Variants in ROBO1 observed in about 807,000 individuals in gnomAD.
ROBO1 encodes roundabout guidance receptor 1, also known as roundabout homolog 1.
In ROBO1, 149 loss-of-function variants were observed where a neutral mutation model predicts 195.9. The observed-to-expected ratio is 0.76, with a 90% CI of 0.67 to 0.87. ROBO1 has a LOEUF of 0.87. ROBO1 is among the 40% of genes least tolerant of loss of function. The pLI, the probability that ROBO1 is intolerant of heterozygous loss-of-function variation, is 0.00. For missense variants in ROBO1, 1,933 were observed against 2,068.3 expected (o/e 0.93, Z 1.27); for synonymous variants, 816 against 733.2 (o/e 1.11, Z -1.82).
At chr3:78,857,743 T>C (rs2034541868) in intron 4 of ROBO1, among the ~76,000 whole-genome samples, 2 of 152,138 alleles carry the variant, frequency 1.3e-5, no homozygotes, top group Admixed American at 6.5e-5. Context: ...TTAAGGAAAT[T>C]TGCCTAAGGA....
intron 4 of ROBO1, among the ~76,000 whole-genome samples, chr3:78,896,004 T>C (rs1375879903): frequency 1.3e-5 from 2 of 152,218 alleles, no homozygotes; most frequent in Non-Finnish European, 2.9e-5. Context: ...TTCATCACCA[T>C]TGACATATCA....
intron 2 of ROBO1, among the ~76,000 whole-genome samples, chr3:79,429,873 T>C (rs1023170482): frequency 6.6e-6 from 1 of 152,088 alleles, no homozygotes; most frequent in South Asian, 2.1e-4. Flanking sequence ...TGGTTCTTAT[T>C]TTATTTTTTC....
At chr3:78,608,859 A>G (rs1398070696) in intron 28 of ROBO1, among the ~76,000 whole-genome samples, 4 of 152,146 alleles carry the variant, frequency 2.6e-5, no homozygotes, top group African/African-American at 9.7e-5. Flanking sequence ...GGTGAATGAA[A>G]AGAACATCAC....
chr3:79,416,265 A>T (rs1431637235), intron 2 of ROBO1, among the ~76,000 whole-genome samples: 1 of 151,946 alleles, frequency 6.6e-6, no homozygotes, highest in Non-Finnish European at 1.5e-5. Flanking sequence ...AGAGATGATA[A>T]ATGGCTTCGA....
chr3:79,552,693 G>A (rs1942567096), intron 2 of ROBO1, among the ~76,000 whole-genome samples: 1 of 152,010 alleles, frequency 6.6e-6, no homozygotes, highest in African/African-American at 2.4e-5. Flanking sequence ...TATTAGCCTG[G>A]CATTGGCAGA....
chr3:79,506,537 C>T (rs1237606002), intron 2 of ROBO1, among the ~76,000 whole-genome samples: 3 of 151,994 alleles, frequency 2.0e-5, no homozygotes, highest in Non-Finnish European at 4.4e-5. Flanking sequence ...CTCCACCTCC[C>T]GGGTTCAAGT....
intron 1 of ROBO1, among the ~76,000 whole-genome samples, chr3:79,679,193 G>T (rs1946871369): frequency 6.6e-6 from 1 of 151,902 alleles, no homozygotes; most frequent in East Asian, 1.9e-4. Context: ...AATATTGAAT[G>T]CTTTTTATTT....
intron 2 of ROBO1, among the ~76,000 whole-genome samples, chr3:79,147,660 A>T (rs1173871419): frequency 6.6e-6 from 1 of 151,962 alleles, no homozygotes. Flanking sequence ...GATCACATTT[A>T]AGCTAATCTA....
chr3:78,671,129 A>T (rs1197913361), intron 10 of ROBO1, among the ~76,000 whole-genome samples: 1 of 152,194 alleles, frequency 6.6e-6, no homozygotes, highest in Non-Finnish European at 1.5e-5. Context: ...ATGTGTAAAT[A>T]CAATTAACCC....
At chr3:78,801,748 T>C (rs1426305952) in intron 4 of ROBO1, among the ~76,000 whole-genome samples, 1 of 152,140 alleles carries the variant, frequency 6.6e-6, no homozygotes, top group African/African-American at 2.4e-5. Context: ...CATACGATTA[T>C]AACAAATAGT....
chr3:79,427,495 T>C (rs1442024333), intron 2 of ROBO1, among the ~76,000 whole-genome samples: 2 of 152,150 alleles, frequency 1.3e-5, no homozygotes, highest in Admixed American at 1.3e-4. Flanking sequence ...CTCTACCAAT[T>C]GTGGGTTGAG....
At chr3:78,869,622 AT>A (rs560176819) in intron 4 of ROBO1, among the ~76,000 whole-genome samples, 41 of 148,436 alleles carry the variant, frequency 2.8e-4, no homozygotes, top group Non-Finnish European at 3.7e-4. Context: ...CACCAGGTAA[AT>A]TTTTTTTTTT....
In ROBO1 at chr3:78,627,587, G is replaced by T; in HGVS notation, c.3627-18C>A. The T allele has an allele frequency of 6.3e-7, 1 of 1,595,834 alleles. No homozygotes were observed. Among genetic ancestry groups the T allele is most frequent in the Non-Finnish European group, 8.5e-7 (1 of 1,170,378 alleles). On this transcript the variant is annotated intron_variant, in intron 25 of 30. Transcript: ENST00000464233. ...GGTCATAGCTAAAATAAATGATAAG[G>T]ATGTGTAGACTTACTTCAGGTTATT...
intron 1 of ROBO1, among the ~76,000 whole-genome samples, chr3:79,707,459 T>A (rs191568724): frequency 6.6e-6 from 1 of 152,294 alleles, no homozygotes; most frequent in African/African-American, 2.4e-5. Flanking sequence ...CTCTCATTGC[T>A]TTTTCTCTGT....
intron 2 of ROBO1, among the ~76,000 whole-genome samples, chr3:79,530,925 C>T (rs1363066480): frequency 3.9e-5 from 6 of 152,048 alleles, no homozygotes; most frequent in African/African-American, 1.4e-4. Flanking sequence ...CGGGACGTGA[C>T]CCCTTGCTCT....
At chr3:78,602,043 T>C (rs1206556863) in intron 29 of ROBO1, among the ~76,000 whole-genome samples, 1 of 37,814 alleles carries the variant, frequency 2.6e-5, no homozygotes, top group Non-Finnish European at 5.7e-5. Flanking sequence ...TTCATGTGTG[T>C]GAGTGTGTGT....
chr3:79,606,399 C>T (rs1944486739), intron 1 of ROBO1, among the ~76,000 whole-genome samples: 1 of 151,946 alleles, frequency 6.6e-6, no homozygotes, highest in South Asian at 2.1e-4. Flanking sequence ...GTGTCTGTCT[C>T]CTCATCATCC....
intron 13 of ROBO1, 28 bp from the exon 14 acceptor site, chr3:78,668,077 T>A: frequency 6.2e-7 from 1 of 1,612,076 alleles, no homozygotes; most frequent in Non-Finnish European, 8.5e-7. Context: ...GGTTAGAACA[T>A]GCGTATTTAA....
At chr3:78,647,515 C>T (rs572226074) in intron 20 of ROBO1, 114 bp downstream of exon 20, 34 of 1,012,608 alleles carry the variant, frequency 3.4e-5, no homozygotes, top group Middle Eastern at 2.1e-4. Flanking sequence ...TTACATTCCA[C>T]TTTAAGTTCT....
Sources: allele counts gnomAD v4.1 joint callset (sites outside exome capture counted in the v4.1 genomes callset), GRCh38; gene constraint gnomAD v4.1.1; transcripts MANE v1.5; gene names NCBI Gene and HGNC (gene_info 2026-07-23, HGNC 2026-07-21).